The following MARCHF10 variants were observed in gnomAD, a reference collection of about 807,000 sequenced individuals.
MARCHF10 encodes the protein probable E3 ubiquitin-protein ligase MARCHF10.
In MARCHF10, 64 loss-of-function variants were observed where a neutral mutation model predicts 76.2. The ratio of observed to expected loss-of-function variants is 0.84; its 90% CI spans 0.69 to 1.03. The LOEUF (loss-of-function observed/expected upper bound fraction) is 1.03. Among genes scored for constraint, MARCHF10 ranks in the 50% least tolerant of loss-of-function variants. MARCHF10 has a pLI of 0.00. For synonymous variants in MARCHF10, 340 were observed against 357.5 expected (o/e 0.95, Z 0.55); for missense variants, 875 against 958.0 (o/e 0.91, Z 1.14).
rs751947600 is a variant in MARCHF10 at position 62,736,386 on chromosome 17, A to T, written c.1482T>A (p.Thr494=). 3 of 1,614,220 alleles carry T rather than the reference A, an allele frequency of 1.9e-6. No individual in the cohort carries two copies. ...CCTCTGAGTCTGAGCTGTGAACTGA[A>T]GTCGATGACATTGACAAGTCTACTG... ...DIPVDLSMSS[T]SVHSSDSEGN... is the part of the protein sequence containing the mutation. Residue 494 remains threonine, a synonymous_variant, in exon 6 of 11, where the codon ACT becomes ACA. Coordinates refer to ENST00000311269, the MANE Select transcript of MARCHF10 (RefSeq NM_152598.4).
At chr17:62,713,456 T>C (rs1384718110) in intron 8 of MARCHF10, among the ~76,000 whole-genome samples, 1 of 152,228 alleles carries the variant, frequency 6.6e-6, no homozygotes, top group African/African-American at 2.4e-5. Context: ...TAGCAGATTG[T>C]GTCTCTTCTC....
At position 62,736,962 on chromosome 17, in the gene MARCHF10, C is replaced by T. The variant is rs1297533772; in HGVS notation, c.906G>A (p.Trp302Ter). 1.2e-6 allele frequency: 2 copies of T among 1,614,098 alleles called. No homozygotes were observed. The highest frequency in any genetic ancestry group is 1.7e-6 in the Non-Finnish European group (2 of 1,180,010). Reference sequence around the variant, plus strand: ...GAGAACAGGGTGAGCGCACACCAACCCACAGACATTCTTCAGACTGGGTTT... The same window carrying T: ...GAGAACAGGGTGAGCGCACACCAACTCACAGACATTCTTCAGACTGGGTTT... ...EEETQSEECL[W>*]VGVRSPCSPS... Residue 302 changes from tryptophan to a stop codon, truncating the protein, a stop_gained, in exon 6 of 11, where the codon TGG becomes TGA. Coordinates refer to ENST00000311269, the MANE Select transcript of MARCHF10 (RefSeq NM_152598.4). LOFTEE classifies it high-confidence loss of function.
At position 62,711,100 on chromosome 17, in the gene MARCHF10, A is replaced by G. The variant is rs1415188333; in HGVS notation, c.2328+131T>C. 5 of 697,366 alleles carry G rather than the reference A, an allele frequency of 7.2e-6. No individual in the cohort carries two copies. In the East Asian group the frequency reaches 1.3e-4, roughly 18 times the overall value. 43.2% of individuals were successfully genotyped at this position (697,366 alleles called of 1,614,324 possible). A position where few individuals can be genotyped will look rare whatever the true frequency, so the allele number is the denominator to read the frequency against. ...GTACACTTAGCAGCTGCTAAATCTTAGTCCTAACAATGATAGTCCCATATC... is the reference window on the plus strand; with the variant it reads ...GTACACTTAGCAGCTGCTAAATCTTGGTCCTAACAATGATAGTCCCATATC... On this transcript the variant is annotated intron_variant, in intron 9 of 10. Transcript: ENST00000311269. This position sits in a 1 kb window ranked among gnomAD's most constrained non-coding sequence, Gnocchi z 4.4.
intron 6 of MARCHF10, among the ~76,000 whole-genome samples, chr17:62,726,370 T>G (rs1235157089): frequency 6.6e-6 from 1 of 152,194 alleles, no homozygotes; most frequent in Non-Finnish European, 1.5e-5. Context: ...GCTCAATTTC[T>G]TGAAAGACTT....
At position 62,806,118 on chromosome 17, in the gene MARCHF10, C is replaced by T. The variant is rs573197112; in HGVS notation, c.-18+1959G>A. 2.6e-5 allele frequency among the ~76,000 whole-genome samples: 4 copies of T among 152,124 alleles called. No individual in the cohort carries two copies. The South Asian group carries it at 8.3e-4, about 32-fold the overall frequency. Reference sequence around the variant, plus strand: ...CCAAGAAAACGGTATTAGTGTCAGACCAAGAAGATGGTGGGTTACCTCAGT... The same window carrying T: ...CCAAGAAAACGGTATTAGTGTCAGATCAAGAAGATGGTGGGTTACCTCAGT... On this transcript the variant is annotated intron_variant, in intron 1 of 10. Transcript: ENST00000311269.
At chr17:62,746,037 T>C (rs1223374872) in intron 4 of MARCHF10, among the ~76,000 whole-genome samples, 2 of 152,250 alleles carry the variant, frequency 1.3e-5, no homozygotes, top group Non-Finnish European at 2.9e-5. Flanking sequence ...ACAGCCTTTT[T>C]TGGCACATGA....
chr17:62,714,357 C>G, intron 8 of MARCHF10: 1 of 981,370 alleles, frequency 1.0e-6, no homozygotes, highest in Middle Eastern at 5.2e-4. Flanking sequence ...AGGGAAGTAA[C>G]CTCTGTTCTG....
At chr17:62,795,004 G>A in intron 2 of MARCHF10, 1 of 985,196 alleles carries the variant, frequency 1.0e-6, no homozygotes, top group African/African-American at 1.7e-5. Context: ...GCTGTGAAGA[G>A]TAGAGCAACA....
At chr17:62,731,092 G>C (rs900165397) in intron 6 of MARCHF10, among the ~76,000 whole-genome samples, 1 of 152,176 alleles carries the variant, frequency 6.6e-6, no homozygotes, top group African/African-American at 2.4e-5. Context: ...GCTTGAGTGA[G>C]CATTGGAGTT....
Position 62,779,994 on chromosome 17 carries a change from G to A in MARCHF10, c.210+8486C>T, listed in dbSNP as rs535180092. On this transcript the variant is annotated intron_variant, in intron 3 of 10. Transcript: ENST00000311269. Reference sequence around the variant, plus strand: ...TGCCAGTAATCCCAGCTATGCGGGAGGCTGAGGCAGGAGAATTGCTTGAAC... The same window carrying A: ...TGCCAGTAATCCCAGCTATGCGGGAAGCTGAGGCAGGAGAATTGCTTGAAC... 9.2e-5 allele frequency among the ~76,000 whole-genome samples: 14 copies of A among 152,308 alleles called. No individual in the cohort carries two copies. The South Asian group carries it at 2.9e-3, about 32-fold the overall frequency.
chr17:62,732,680 A>G (rs1020449857), intron 6 of MARCHF10, among the ~76,000 whole-genome samples: 1 of 152,140 alleles, frequency 6.6e-6, no homozygotes, highest in Non-Finnish European at 1.5e-5. Context: ...AAGCAAGACA[A>G]GATACAAATT....
chr17:62,764,576 T>C (rs1337687468), intron 3 of MARCHF10, among the ~76,000 whole-genome samples: 3 of 150,654 alleles, frequency 2.0e-5, no homozygotes, highest in African/African-American at 2.4e-5. Context: ...AGTGACAACA[T>C]GGGAAGGTCG....
chr17:62,775,613 T>A (rs1045990433), intron 3 of MARCHF10, among the ~76,000 whole-genome samples: 4 of 151,818 alleles, frequency 2.6e-5, no homozygotes, highest in African/African-American at 7.3e-5. Context: ...ATTTAAAAAA[T>A]TTTATTTTAT....
intron 4 of MARCHF10, among the ~76,000 whole-genome samples, chr17:62,755,257 C>A (rs779151177): frequency 1.3e-5 from 2 of 152,204 alleles, no homozygotes; most frequent in Non-Finnish European, 2.9e-5. Flanking sequence ...GCCCAAGCTC[C>A]AGGTGACAGC....
chr17:62,718,709 G>A (rs925369806), intron 8 of MARCHF10, among the ~76,000 whole-genome samples: 5 of 152,130 alleles, frequency 3.3e-5, no homozygotes, highest in Non-Finnish European at 7.3e-5. Context: ...CATGCTCAGC[G>A]TCCAGGAATG....
chr17:62,714,636 A>G (rs1599059969), intron 8 of MARCHF10, among the ~76,000 whole-genome samples: 1 of 152,160 alleles, frequency 6.6e-6, no homozygotes, highest in African/African-American at 2.4e-5. Context: ...TCAGACAGTG[A>G]CCCATTCAGC....
At chr17:62,804,393 A>C (rs73335795) in intron 1 of MARCHF10, among the ~76,000 whole-genome samples, 6,098 of 152,234 alleles carry the variant, frequency 0.04, 435 homozygotes, top group African/African-American at 0.14. Flanking sequence ...ACAGGGACAA[A>C]ACCTCGTGAA....
chr17:62,725,235 G>C (rs9895941), intron 6 of MARCHF10, 131 bp from the exon 7 acceptor site: 235,222 of 711,932 alleles, frequency 0.33, 40,109 homozygotes, highest in Admixed American at 0.35. Context: ...TCTGACCCTA[G>C]TGAGATGATT....
rs1163804145 is a variant in MARCHF10, at chr17:62,759,985, G to C, written c.232C>G (p.Leu78Val). The C allele has an allele frequency of 6.2e-7, 1 of 1,613,970 alleles. No homozygotes were observed. Among genetic ancestry groups the C allele is most frequent in the Non-Finnish European group, 8.5e-7 (1 of 1,179,960 alleles). Residue 78 changes from leucine (L) to valine (V), a missense_variant, in exon 4 of 11, where the codon CTA becomes GTA. Physicochemically the swap from Leu to Val is conservative, Grantham distance 32 (BLOSUM62 1). Transcript: ENST00000311269. ...TTGATAGATGACCTTGGTTCAGTTA[G>C]AGCATCCTCCTCACTAGAACTCTAC... ...SKQSSSEEDA[L>V]TEPRSSIKIS... is the part of the protein sequence containing the mutation.
Sources: allele counts gnomAD v4.1 joint callset (sites outside exome capture counted in the v4.1 genomes callset), GRCh38; gene constraint gnomAD v4.1.1; non-coding constraint Gnocchi (gnomAD v3.1); transcripts MANE v1.5; gene names NCBI Gene and HGNC (gene_info 2026-07-23, HGNC 2026-07-21).